Variants in CRPPA observed in about 807,000 individuals in gnomAD.
CRPPA encodes CDP-L-ribitol pyrophosphorylase A, also known as D-ribitol-5-phosphate cytidylyltransferase.
Under a neutral mutation model 52.0 loss-of-function variants are expected in CRPPA, and 43 were observed. That is an observed-to-expected ratio of 0.83 (90% CI 0.65 to 1.07). CRPPA has a LOEUF of 1.07. CRPPA is among the 50% of genes least tolerant of loss of function. The pLI is 0.00. For synonymous variants in CRPPA, 250 were observed against 203.5 expected, an observed-to-expected ratio of 1.23 and a Z score of -1.94; for missense variants, 629 against 551.7, an observed-to-expected ratio of 1.14 and a Z score of -1.40.
chr7:16,331,161 G>T (rs961914645), intron 3 of CRPPA, among the ~76,000 whole-genome samples: 2 of 151,926 alleles, frequency 1.3e-5, no homozygotes, highest in Non-Finnish European at 2.9e-5. Flanking sequence ...CACCATGCCC[G>T]GCTAATTTTT....
intron 3 of CRPPA, among the ~76,000 whole-genome samples, chr7:16,369,064 C>A (rs1263770891): frequency 6.6e-6 from 1 of 152,038 alleles, no homozygotes; most frequent in African/African-American, 2.4e-5. Context: ...TGAGACTGAA[C>A]AAGACAAAGT....
At chr7:16,163,064 C>T (rs1780946602) in intron 9 of CRPPA, among the ~76,000 whole-genome samples, 1 of 149,296 alleles carries the variant, frequency 6.7e-6, no homozygotes. Context: ...AGCTCCACCT[C>T]CCGGGTTCAC....
chr7:16,214,959 G>A (rs1469070068), intron 9 of CRPPA, among the ~76,000 whole-genome samples: 2 of 152,066 alleles, frequency 1.3e-5, no homozygotes, highest in African/African-American at 2.4e-5. Flanking sequence ...ATTATCCTAC[G>A]TGAACTAAAA....
chr7:16,396,103 A>G (rs977499818), intron 2 of CRPPA, among the ~76,000 whole-genome samples: 4 of 152,214 alleles, frequency 2.6e-5, no homozygotes, highest in African/African-American at 9.6e-5. Flanking sequence ...GATTTAAACA[A>G]GTATCAAAGT....
At position 16,217,449 on chromosome 7, in the gene CRPPA, T is replaced by C. The variant is rs1202796955; in HGVS notation, c.1120-1252A>G. Among the ~76,000 whole-genome samples the C allele has an allele frequency of 3.4e-5, 5 of 145,600 alleles. No homozygotes were observed. In the East Asian group the frequency reaches 6.2e-4, roughly 18 times the overall value. ...GAACAAAGCTGGATGGAGAATGACT[T>C]TGACGAGCTGAGAGAAGAAGGCTTC... On this transcript the variant is annotated intron_variant, in intron 8 of 9. Coordinates refer to ENST00000407010, the MANE Select transcript of CRPPA (RefSeq NM_001101426.4).
intron 8 of CRPPA, among the ~76,000 whole-genome samples, chr7:16,242,836 G>A (rs890440932): frequency 6.6e-6 from 1 of 152,106 alleles, no homozygotes; most frequent in Non-Finnish European, 1.5e-5. Flanking sequence ...TATCAGGCAA[G>A]TATTTCTAAA....
intron 8 of CRPPA, among the ~76,000 whole-genome samples, chr7:16,216,911 G>C (rs10270494): frequency 9.9e-5 from 15 of 151,880 alleles, no homozygotes; most frequent in South Asian, 8.3e-4. Flanking sequence ...CAAAGCAGCC[G>C]GGAAGCTCCA....
chr7:16,288,026 C>A (rs1313769493), intron 5 of CRPPA, among the ~76,000 whole-genome samples: 1 of 152,030 alleles, frequency 6.6e-6, no homozygotes, highest in East Asian at 1.9e-4. Context: ...GATGAAGAAA[C>A]CACCTACAAG....
At chr7:16,118,979 G>A (rs758701) in intron 9 of CRPPA, among the ~76,000 whole-genome samples, 20,485 of 151,962 alleles carry the variant, frequency 0.13, 1,667 homozygotes, top group Non-Finnish European at 0.18. Flanking sequence ...AGGAGGATGA[G>A]GCTGCCCTCA....
intron 9 of CRPPA, among the ~76,000 whole-genome samples, chr7:16,102,912 C>T (rs1782076829): frequency 6.6e-6 from 1 of 152,132 alleles, no homozygotes; most frequent in African/African-American, 2.4e-5. Context: ...CCTCAAGGAT[C>T]TAGAACTAGA....
rs537152601 is a variant in CRPPA, at chr7:16,389,833, T to C, written c.535-13592A>G. ...TTTGCAGATTGCATGATCCTGTATA[T>C]AGAAGACACTAATGAAGTGTCTTCT... On this transcript the variant is annotated intron_variant, in intron 2 of 9. Transcript: ENST00000407010. 1.4e-3 allele frequency among the ~76,000 whole-genome samples: 207 copies of C among 147,046 alleles called. 1 individual carries two copies. The highest frequency in any genetic ancestry group is 5.1e-3 in the African/African-American group (203 of 39,456).
chr7:16,239,838 T>C lies in CRPPA; in HGVS notation c.1119+18552A>G, dbSNP rs188996845. Among the ~76,000 whole-genome samples the C allele has an allele frequency of 5.0e-3, 754 of 152,228 alleles. 9 individuals are homozygous for C. Among genetic ancestry groups the C allele is most frequent in the African/African-American group, 0.017 (727 of 41,554 alleles). ...AAACTACTTAAAATAGGGAAATAAA[T>C]AGCAATGCCAAACTCTATGCTTAAT... On this transcript the variant is annotated intron_variant, in intron 8 of 9. Transcript: ENST00000407010.
At chr7:16,309,187 A>C (rs1008953031) in intron 3 of CRPPA, among the ~76,000 whole-genome samples, 2 of 152,206 alleles carry the variant, frequency 1.3e-5, no homozygotes, top group Non-Finnish European at 2.9e-5. Flanking sequence ...TCATAAATTC[A>C]GTAAAAATAA....
intron 9 of CRPPA, among the ~76,000 whole-genome samples, chr7:16,145,530 A>C (rs1782958236): frequency 6.6e-6 from 1 of 152,228 alleles, no homozygotes; most frequent in Non-Finnish European, 1.5e-5. Flanking sequence ...AGAATTCAAA[A>C]TCTTTAAAAA....
chr7:16,145,811 A>G (rs529901611), intron 9 of CRPPA, among the ~76,000 whole-genome samples: 93 of 152,304 alleles, frequency 6.1e-4, no homozygotes, highest in African/African-American at 2.2e-3. Context: ...TTCTTTTCCA[A>G]TTTGATTAAT....
chr7:16,216,081 G>T lies in CRPPA; in HGVS notation c.1236C>A (p.Leu412=), dbSNP rs779048533. ...TTTTACCTACCTGTGGGTAAGATAT[G>T]AGAAGCCCATATAACAAAATATTTC... ...KERNILLYGL[L]ISYPQDDQKL... Residue 412 remains leucine (L), a synonymous_variant, in exon 9 of 10, where the codon CTC becomes CTA. Transcript: ENST00000407010. 1.3e-6 allele frequency: 2 copies of T among 1,594,900 alleles called. No individual in the cohort carries two copies. The highest frequency in any genetic ancestry group is 3.5e-5 in the Admixed American group (2 of 57,042).
At chr7:16,419,288 A>G (rs1416855764) in intron 1 of CRPPA, among the ~76,000 whole-genome samples, 2 of 152,246 alleles carry the variant, frequency 1.3e-5, no homozygotes, top group Admixed American at 6.5e-5. Flanking sequence ...TGTGAAAATT[A>G]TAACTGAGGA....
chr7:16,267,003 A>T (rs1047167933), intron 6 of CRPPA, among the ~76,000 whole-genome samples: 1 of 152,218 alleles, frequency 6.6e-6, no homozygotes, highest in African/African-American at 2.4e-5. Flanking sequence ...AAAAAGATAT[A>T]AACAGTAATA....
At chr7:16,404,385 G>T (rs1269906041) in intron 2 of CRPPA, among the ~76,000 whole-genome samples, 2 of 152,102 alleles carry the variant, frequency 1.3e-5, no homozygotes, top group Non-Finnish European at 2.9e-5. Context: ...TAACTGCTAT[G>T]TATTTTAATA....
Sources: allele counts gnomAD v4.1 joint callset (sites outside exome capture counted in the v4.1 genomes callset), GRCh38; gene constraint gnomAD v4.1.1; transcripts MANE v1.5; gene names NCBI Gene and HGNC (gene_info 2026-07-23, HGNC 2026-07-21).